Variants in KLKB1 observed in about 807,000 individuals in gnomAD.
The protein encoded by KLKB1 is kallikrein B1, also known as plasma kallikrein.
A neutral mutation model predicts 73.6 loss-of-function variants in KLKB1; 58 were observed. That is an observed-to-expected ratio of 0.79 (90% confidence interval 0.64 to 0.98). The LOEUF is 0.98. Among genes scored for constraint, KLKB1 ranks in the 50% least tolerant of loss-of-function variants. The probability of loss-of-function intolerance (pLI) is 0.00; values close to 1 mark genes in which losing one functional copy is unlikely to be tolerated. For missense variants in KLKB1, 737 were observed against 763.8 expected (o/e 0.96, Z 0.41); for synonymous variants, 280 against 258.1 (o/e 1.08, Z -0.81).
rs754351163 is a variant in KLKB1, at chr4:186,258,031, G to A, written c.1736G>A (p.Gly579Asp). The change falls in exon 15 of 15, where the codon GGT becomes GAT. Residue 579 changes from glycine (G) to aspartate (D), a missense_variant. Coordinates refer to ENST00000264690, the MANE Select transcript of KLKB1 (RefSeq NM_000892.5). The stretch of plus-strand genomic sequence containing the variant: ...TCCACTGTGACTCAGGGAGATTCAG[G>A]TGGTCCCTTAGTTTGCAAACACAAT... ...GGKDACKGDS[G>D]GPLVCKHNGM... 6.2e-7 allele frequency: 1 copy of A among 1,613,950 alleles called. No homozygotes were observed. Among genetic ancestry groups the A allele is most frequent in the Admixed American group, 1.7e-5 (1 of 60,012 alleles).
chr4:186,216,957 C>T (rs771231134), intron 2 of KLKB1, among the ~76,000 whole-genome samples: 2 of 152,192 alleles, frequency 1.3e-5, no homozygotes, highest in Non-Finnish European at 2.9e-5. Context: ...TGCAGAATTG[C>T]TTTTCTCATG....
At chr4:186,253,436 A>C (rs1048562296) in intron 11 of KLKB1, among the ~76,000 whole-genome samples, 1 of 152,164 alleles carries the variant, frequency 6.6e-6, no homozygotes, top group African/African-American at 2.4e-5. Flanking sequence ...ATGACCTTGC[A>C]TGTGACTTTA....
Position 186,242,856 on chromosome 4 carries a change from G to A in KLKB1, c.598+4491G>A, listed in dbSNP as rs187089885. On this transcript the variant is annotated intron_variant, in intron 6 of 14. Coordinates refer to ENST00000264690, the MANE Select transcript of KLKB1 (RefSeq NM_000892.5). ...TTCCTGAAGATTGAGGATGGTGAGG[G>A]GTATGAAGGTTTTACTGAATACCAA... Among the ~76,000 whole-genome samples, 176 of 151,030 alleles carry A rather than the reference G, an allele frequency of 1.2e-3. 1 individual carries two copies. The highest frequency in any genetic ancestry group is 1.3e-3 in the Non-Finnish European group (89 of 67,760).
chr4:186,218,046 C>T (rs949554027), intron 2 of KLKB1, among the ~76,000 whole-genome samples: 2 of 152,186 alleles, frequency 1.3e-5, no homozygotes, highest in Admixed American at 6.5e-5. Flanking sequence ...AAGGTGAAAG[C>T]AGGCATAGAC....
rs1172217759 is a variant in KLKB1 at position 186,254,641 on chromosome 4, A to G, written c.1367A>G (p.Asp456Gly). 1 of 1,613,840 alleles carries G rather than the reference A, an allele frequency of 6.2e-7. No homozygotes were observed. Among genetic ancestry groups the G allele is most frequent in the Non-Finnish European group, 8.5e-7 (1 of 1,179,844 alleles). The change falls in exon 12 of 15, where the codon GAC becomes GGC. Residue 456 changes from aspartate to glycine, a missense_variant. Transcript: ENST00000264690. ...TATAGTGGCATTTTAAATCTGTCAGACATTACAAAAGATACACCTTTCTCA... is the reference window on the plus strand; with the variant it reads ...TATAGTGGCATTTTAAATCTGTCAGGCATTACAAAAGATACACCTTTCTCA... ...RIYSGILNLS[D>G]ITKDTPFSQI...
At chr4:186,238,912 TATA>T in intron 6 of KLKB1, among the ~76,000 whole-genome samples, 1 of 147,466 alleles carries the variant, frequency 6.8e-6, no homozygotes, top group South Asian at 2.2e-4. Flanking sequence ...AGGACAGTGA[TATA>T]GGACAGTGAT....
At chr4:186,250,035 A>G (rs1738579774) in intron 6 of KLKB1, among the ~76,000 whole-genome samples, 1 of 152,216 alleles carries the variant, frequency 6.6e-6, no homozygotes. Flanking sequence ...TCTCTGAAAT[A>G]GGAATTTGCC....
intron 6 of KLKB1, among the ~76,000 whole-genome samples, 155 bp from the exon 7 acceptor site, chr4:186,250,088 A>G (rs1738582979): frequency 6.6e-6 from 1 of 152,204 alleles, no homozygotes; most frequent in Non-Finnish European, 1.5e-5. Context: ...AATGGCAAAC[A>G]GTTTGGAGAT....
intron 6 of KLKB1, among the ~76,000 whole-genome samples, chr4:186,245,802 G>GGTTTTTTTTTTTTTTTTTTTTTTTTT (rs1738298819): frequency 1.8e-5 from 1 of 54,884 alleles, no homozygotes; most frequent in African/African-American, 5.7e-5. Flanking sequence ...AATTTTTGGA[G>GGTTTTTTTTTTTTTTTTTTTTTTTTT]TTTTTTTTTG....
upstream of KLKB1, among the ~76,000 whole-genome samples, chr4:186,224,879 T>C (rs1737117556): frequency 6.6e-6 from 1 of 152,144 alleles, no homozygotes; most frequent in Admixed American, 6.5e-5. Flanking sequence ...TGAATTGTAA[T>C]CCCCACATGG....
chr4:186,222,598 T>A (rs1449222839), upstream of KLKB1, among the ~76,000 whole-genome samples: 1 of 152,374 alleles, frequency 6.6e-6, no homozygotes, highest in East Asian at 1.9e-4. Flanking sequence ...TTTTGTATGT[T>A]GTGTATTCAT....
chr4:186,238,150 A>G (rs1737793979), intron 5 of KLKB1, 106 bp from the exon 6 acceptor site: 1 of 772,620 alleles, frequency 1.3e-6, no homozygotes, highest in Non-Finnish European at 2.3e-6. Context: ...ACTCATTATC[A>G]GGGTCATTGT....
chr4:186,238,474 A>G lies in KLKB1; in HGVS notation c.598+109A>G, dbSNP rs975177156. 6 of 802,014 alleles carry G rather than the reference A, an allele frequency of 7.5e-6. No homozygotes were observed. In the African/African-American group the frequency reaches 1.0e-4, roughly 14 times the overall value. 49.7% of individuals were successfully genotyped at this position (802,014 alleles called of 1,614,324 possible). A position where few individuals can be genotyped will look rare whatever the true frequency, so the allele number is the denominator to read the frequency against. The stretch of plus-strand genomic sequence containing the variant: ...CTGTGCGTGTGTTCCCATAGCTGGC[A>G]AAAGCGTTTCTGTCAATGGCATGCA... On this transcript the variant is annotated intron_variant, in intron 6 of 14. Coordinates refer to ENST00000264690, the MANE Select transcript of KLKB1 (RefSeq NM_000892.5).
chr4:186,215,816 G>A (rs1009951976), intron 2 of KLKB1, among the ~76,000 whole-genome samples: 14 of 152,078 alleles, frequency 9.2e-5, no homozygotes, highest in African/African-American at 3.1e-4. Context: ...AATCACTCAG[G>A]CACAACTAAT....
intron 1 of KLKB1, 38 bp from the exon 2 acceptor site, chr4:186,228,157 C>A: frequency 8.4e-7 from 1 of 1,185,444 alleles, no homozygotes; most frequent in South Asian, 1.2e-5. Context: ...TAAATGTGGT[C>A]TAAAACCAGC....
chr4:186,237,057 C>A, intron 5 of KLKB1, 117 bp downstream of exon 5: 1 of 894,406 alleles, frequency 1.1e-6, no homozygotes, highest in Non-Finnish European at 1.8e-6. Flanking sequence ...ATTCTAACCA[C>A]TTTCCTCATT....
chr4:186,248,263 A>G (rs1738484664), intron 6 of KLKB1, among the ~76,000 whole-genome samples: 1 of 147,060 alleles, frequency 6.8e-6, no homozygotes, highest in South Asian at 2.1e-4. Flanking sequence ...AAAATAATAA[A>G]AATAAAATAA....
At chr4:186,252,713 C>T (rs562660017) in intron 11 of KLKB1, among the ~76,000 whole-genome samples, 2 of 148,640 alleles carry the variant, frequency 1.3e-5, no homozygotes, top group East Asian at 4.0e-4. Context: ...CGACCAATCC[C>T]ACCACCGATC....
chr4:186,256,066 TG>T lies in KLKB1; in HGVS notation c.1568del (p.Gly523AlafsTer16). 6.2e-7 allele frequency: 1 copy of T among 1,610,334 alleles called. No individual in the cohort carries two copies. Among genetic ancestry groups the T allele is most frequent in the South Asian group, 1.1e-5 (1 of 90,992 alleles). ...TTATACCAACTGTTGGGTAACCGGA[TG>T]GGGCTTCTCGAAGGAGAAAGGTAAG... ...TIYTNCWVTG[W>X]GFSKEKGEIQ... On this transcript the variant is annotated frameshift_variant, in exon 13 of 15. Coordinates refer to ENST00000264690, the MANE Select transcript of KLKB1 (RefSeq NM_000892.5). LOFTEE classifies it high-confidence loss of function.
Sources: allele counts gnomAD v4.1 joint callset (sites outside exome capture counted in the v4.1 genomes callset), GRCh38; gene constraint gnomAD v4.1.1; transcripts MANE v1.5; gene names NCBI Gene and HGNC (gene_info 2026-07-23, HGNC 2026-07-21).